PBX3: variants seen among roughly 807,000 people sequenced by gnomAD.
The protein encoded by PBX3 is PBX homeobox 3.
In PBX3, 14 loss-of-function variants were observed where a neutral mutation model predicts 48.5. The ratio of observed to expected loss-of-function variants is 0.29; its 90% CI spans 0.19 to 0.45. The LOEUF (loss-of-function observed/expected upper bound fraction) is 0.45. PBX3 is among the 20% of genes least tolerant of loss of function. The pLI is 1.00. For missense variants in PBX3, 386 were observed against 546.7 expected, an observed-to-expected ratio of 0.71 and a Z score of 2.93; for synonymous variants, 210 against 200.3, an observed-to-expected ratio of 1.05 and a Z score of -0.41.
chr9:125,920,534 G>A (rs1005468630), intron 3 of PBX3, among the ~76,000 whole-genome samples: 9 of 152,186 alleles, frequency 5.9e-5, no homozygotes, highest in Non-Finnish European at 1.2e-4. Context: ...GATATATAAT[G>A]CTCTGTGCAG....
chr9:125,933,459 C>T (rs541221110), intron 4 of PBX3, among the ~76,000 whole-genome samples: 1 of 152,298 alleles, frequency 6.6e-6, no homozygotes, highest in Non-Finnish European at 1.5e-5. Context: ...TGATGTGAGC[C>T]AAACTTCTCT....
intron 2 of PBX3, among the ~76,000 whole-genome samples, chr9:125,878,004 G>T (rs1840296661): frequency 6.6e-6 from 1 of 152,146 alleles, no homozygotes; most frequent in Middle Eastern, 3.2e-3. Flanking sequence ...TCCATTCAGT[G>T]TTGTTGGTGT....
At chr9:125,854,450 AT>A (rs1330409413) in intron 2 of PBX3, among the ~76,000 whole-genome samples, 1 of 152,060 alleles carries the variant, frequency 6.6e-6, no homozygotes, top group Non-Finnish European at 1.5e-5. Context: ...TTTATTTTTA[AT>A]ATTAAAAAAT....
chr9:125,884,277 A>G (rs1840448561), intron 2 of PBX3, among the ~76,000 whole-genome samples: 1 of 152,180 alleles, frequency 6.6e-6, no homozygotes. Flanking sequence ...CAAGAGTTTT[A>G]AGTTCAAGTG....
chr9:125,827,998 C>G (rs1314387187), intron 2 of PBX3, among the ~76,000 whole-genome samples: 1 of 152,088 alleles, frequency 6.6e-6, no homozygotes, highest in Non-Finnish European at 1.5e-5. Context: ...CTAAATTCAT[C>G]TAGGACCTTA....
chr9:125,890,816 T>G (rs916720349), intron 2 of PBX3, among the ~76,000 whole-genome samples: 1 of 152,142 alleles, frequency 6.6e-6, no homozygotes, highest in African/African-American at 2.4e-5. Flanking sequence ...TTGAAAAGAT[T>G]AAAAAAAGAA....
chr9:125,955,615 T>C (rs1842289175), intron 5 of PBX3, among the ~76,000 whole-genome samples: 1 of 152,168 alleles, frequency 6.6e-6, no homozygotes, highest in Admixed American at 6.5e-5. Context: ...TGCTTCTGAA[T>C]TGTGGAGTTT....
chr9:125,877,808 A>G lies in PBX3; in HGVS notation c.275-37878A>G, dbSNP rs188606730. ...CAACATCAACAATTACTGAGTACCT[A>G]TCACGTGCTGGGCACTGGGGCAGTT... is the stretch of plus-strand genomic sequence containing the variant. On this transcript the variant is annotated intron_variant, in intron 2 of 8. Coordinates refer to ENST00000373489, the MANE Select transcript of PBX3 (RefSeq NM_006195.6). 1.1e-4 allele frequency among the ~76,000 whole-genome samples: 16 copies of G among 152,314 alleles called. No homozygotes were observed. The East Asian group carries it at 2.3e-3, about 22-fold the overall frequency.
chr9:125,844,389 C>T (rs988930070), intron 2 of PBX3, among the ~76,000 whole-genome samples: 1 of 149,896 alleles, frequency 6.7e-6, no homozygotes, highest in African/African-American at 2.5e-5. Flanking sequence ...GGATTCATCA[C>T]ATTATCTTTT....
intron 2 of PBX3, among the ~76,000 whole-genome samples, chr9:125,778,671 A>G (rs1263455411): frequency 6.9e-6 from 1 of 144,396 alleles, no homozygotes; most frequent in African/African-American, 2.6e-5. Context: ...CACCTGTGCT[A>G]GAAAGGCATG....
intron 5 of PBX3, among the ~76,000 whole-genome samples, chr9:125,956,465 C>A (rs1299996346): frequency 6.6e-6 from 1 of 152,296 alleles, no homozygotes; most frequent in South Asian, 2.1e-4. Flanking sequence ...AATTGTCAAT[C>A]TATAGCTGAA....
At chr9:125,856,197 T>C (rs143528336) in intron 2 of PBX3, among the ~76,000 whole-genome samples, 223 of 152,278 alleles carry the variant, frequency 1.5e-3, no homozygotes, top group Admixed American at 2.9e-3. Context: ...AACAAATAAA[T>C]ATATTAATAA....
At chr9:125,835,666 G>A (rs116928256) in intron 2 of PBX3, among the ~76,000 whole-genome samples, 3,304 of 152,210 alleles carry the variant, frequency 0.022, 130 homozygotes, top group Non-Finnish European at 0.022. Flanking sequence ...CAATATAATA[G>A]CATCTCATCC....
intron 2 of PBX3, among the ~76,000 whole-genome samples, chr9:125,880,751 T>C (rs963145747): frequency 6.6e-6 from 1 of 152,224 alleles, no homozygotes; most frequent in South Asian, 2.1e-4. Flanking sequence ...AATTTTAATA[T>C]ATCCAAAATG....
chr9:125,831,658 T>G (rs1838966108), intron 2 of PBX3, among the ~76,000 whole-genome samples: 1 of 152,212 alleles, frequency 6.6e-6, no homozygotes, highest in African/African-American at 2.4e-5. Context: ...TGTATAACTT[T>G]TGATTTTTTT....
chr9:125,940,296 ATTAAT>A (rs1350780098), intron 5 of PBX3, among the ~76,000 whole-genome samples: 2 of 152,240 alleles, frequency 1.3e-5, no homozygotes, highest in Admixed American at 6.5e-5. Context: ...GTTTACAGAG[ATTAAT>A]TTAATTATTA....
chr9:125,868,209 T>C (rs2132311405), intron 2 of PBX3, among the ~76,000 whole-genome samples: 1 of 152,268 alleles, frequency 6.6e-6, no homozygotes, highest in Non-Finnish European at 1.5e-5. Context: ...TCCTGTGTTC[T>C]AGGCACTGTG....
intron 2 of PBX3, among the ~76,000 whole-genome samples, chr9:125,838,993 C>G (rs990777558): frequency 1.3e-5 from 2 of 152,136 alleles, no homozygotes; most frequent in African/African-American, 4.8e-5. Flanking sequence ...TTTGGTAGAG[C>G]TTAACACACG....
At chr9:125,774,903 G>C (rs1837031373) in intron 2 of PBX3, among the ~76,000 whole-genome samples, 1 of 149,834 alleles carries the variant, frequency 6.7e-6, no homozygotes. Flanking sequence ...ACAGAGTCTC[G>C]CTCTGTCACC....
Sources: gnomAD v4.1 joint callset for allele counts (sites outside exome capture counted in the v4.1 genomes callset) on GRCh38, gnomAD v4.1.1 for gene constraint, MANE v1.5 for transcripts, NCBI Gene and HGNC (gene_info 2026-07-23, HGNC 2026-07-21) for gene names.